The following CCDC61 variants were observed in gnomAD, a reference collection of about 807,000 sequenced individuals.
CCDC61 encodes the protein centrosomal protein CCDC61.
In CCDC61, 55 loss-of-function variants were observed where a neutral mutation model predicts 63.0. That is an observed-to-expected ratio of 0.87 (90% confidence interval 0.70 to 1.09). The LOEUF is 1.09. Ranked by LOEUF, CCDC61 falls within the 50% of genes least tolerant of loss-of-function variation. CCDC61 has a pLI of 0.00. For synonymous variants in CCDC61, 270 were observed against 317.0 expected (o/e 0.85, Z 1.58); for missense variants, 651 against 731.4 (o/e 0.89, Z 1.27).
At chr19:46,008,708 C>T (rs1381041127) in intron 5 of CCDC61, among the ~76,000 whole-genome samples, 1 of 152,226 alleles carries the variant, frequency 6.6e-6, no homozygotes, top group African/African-American at 2.4e-5. Flanking sequence ...TGCGCCCGGC[C>T]TCTGAGCCCC....
chr19:46,010,438 A>C (rs1968806608), intron 5 of CCDC61, among the ~76,000 whole-genome samples: 1 of 152,180 alleles, frequency 6.6e-6, no homozygotes, highest in African/African-American at 2.4e-5. Context: ...AAAGGTATAG[A>C]GGGCTGGGAG....
At chr19:46,007,028 C>A (rs1968724613) in intron 4 of CCDC61, among the ~76,000 whole-genome samples, 1 of 150,070 alleles carries the variant, frequency 6.7e-6, no homozygotes, top group African/African-American at 2.5e-5. Flanking sequence ...TTATTTTTTT[C>A]CTTTTACTGT....
At position 46,008,225 on chromosome 19, in the gene CCDC61, C is replaced by T. The variant is rs1412642701; in HGVS notation, c.475C>T (p.Leu159=). Residue 159 remains leucine, a synonymous_variant, in exon 5 of 14, where the codon CTG becomes TTG. Coordinates refer to ENST00000595358, the MANE Select transcript of CCDC61 (RefSeq NM_001267723.2). ...CATCATCCGGTCACTGAAGGAGGAA[C>T]TGGGCCGCCTGCAAGGGCTGGATGG... ...QGIIRSLKEE[L]GRLQGLDGQN... 1 of 1,548,894 alleles carries T rather than the reference C, an allele frequency of 6.5e-7. No individual in the cohort carries two copies. Among genetic ancestry groups the T allele is most frequent in the African/African-American group, 1.4e-5 (1 of 72,874 alleles).
In CCDC61 at chr19:46,015,316, A is replaced by G; in HGVS notation, c.763-29A>G. On this transcript the variant is annotated intron_variant, in intron 6 of 13. Coordinates refer to ENST00000595358, the MANE Select transcript of CCDC61 (RefSeq NM_001267723.2). The surrounding 1 kb of genome is among the most constrained non-coding windows in gnomAD (Gnocchi z 5.3). Reference sequence around the variant, plus strand: ...GGCGCGGACCTCGGCCTCAGCCTGGACCTCCGCGCCCCTCTCCCCTCCCGG... The same window carrying G: ...GGCGCGGACCTCGGCCTCAGCCTGGGCCTCCGCGCCCCTCTCCCCTCCCGG... 6.3e-7 allele frequency: 1 copy of G among 1,587,818 alleles called. No individual in the cohort carries two copies. The highest frequency in any genetic ancestry group is 2.3e-5 in the East Asian group (1 of 44,112).
chr19:46,005,844 C>A (rs1968698246), intron 3 of CCDC61, among the ~76,000 whole-genome samples: 1 of 150,300 alleles, frequency 6.7e-6, no homozygotes, highest in African/African-American at 2.4e-5. Context: ...TAATTTAGCT[C>A]AAAACTCAGA....
At chr19:46,002,895 T>C in intron 1 of CCDC61, 113 bp from the exon 2 acceptor site, 1 of 1,076,888 alleles carries the variant, frequency 9.3e-7, no homozygotes, top group South Asian at 1.5e-5. Flanking sequence ...GAATTCGCTT[T>C]CCCAGGATGC....
At position 46,016,594 on chromosome 19, in the gene CCDC61, C is replaced by T. The variant is rs1968941624; in HGVS notation, c.1092-100C>T. On this transcript the variant is annotated intron_variant, in intron 9 of 13. Coordinates refer to ENST00000595358, the MANE Select transcript of CCDC61 (RefSeq NM_001267723.2). This position sits in a 1 kb window ranked among gnomAD's most constrained non-coding sequence, Gnocchi z 7.2. ...CTTTCCGCTCGTAGGCCTGTCACCT[C>T]AGGCTTTCGCTGGCGTGGCTGTGAC... 2 of 1,536,460 alleles carry T rather than the reference C, an allele frequency of 1.3e-6. No homozygotes were observed. The highest frequency in any genetic ancestry group is 1.2e-5 in the South Asian group (1 of 82,486).
intron 3 of CCDC61, 76 bp from the exon 4 acceptor site, chr19:46,006,483 G>T (rs1162975306): frequency 7.2e-7 from 1 of 1,381,402 alleles, no homozygotes; most frequent in African/African-American, 1.4e-5. Flanking sequence ...AAGGGCTGTG[G>T]CCCAGGTGTG....
At chr19:46,006,756 C>G in intron 4 of CCDC61, 40 bp downstream of exon 4, 1 of 1,547,254 alleles carries the variant, frequency 6.5e-7, no homozygotes, top group Non-Finnish European at 8.8e-7. Context: ...GGCTGGTGGG[C>G]GGGGTGGGAG....
chr19:46,018,458 G>A lies in CCDC61; in HGVS notation c.*71G>A. On this transcript the variant is annotated 3_prime_UTR_variant, in exon 14 of 14. Coordinates refer to ENST00000595358, the MANE Select transcript of CCDC61 (RefSeq NM_001267723.2). The surrounding 1 kb of genome is among the most constrained non-coding windows in gnomAD (Gnocchi z 4.2). The stretch of plus-strand genomic sequence containing the variant: ...GTATGGTGTGGGGGGTGGGGCCAGG[G>A]TGGCCTCCAGCCCTGCCCAGTCCCT... 1 of 1,319,632 alleles carries A rather than the reference G, an allele frequency of 7.6e-7. No individual in the cohort carries two copies. Among genetic ancestry groups the A allele is most frequent in the Non-Finnish European group, 1.1e-6 (1 of 945,392 alleles). The allele number at this position is 1,319,632 out of a possible 1,614,324, so 81.7% of individuals were successfully genotyped here. A position where few individuals can be genotyped will look rare whatever the true frequency, so the allele number is the denominator to read the frequency against.
At chr19:46,002,457 C>A (rs1268973312) in intron 1 of CCDC61, among the ~76,000 whole-genome samples, 1 of 129,854 alleles carries the variant, frequency 7.7e-6, no homozygotes, top group East Asian at 2.1e-4. Flanking sequence ...TTTTTTTTAA[C>A]TGAGTCAGGG....
chr19:46,009,545 G>C (rs1464775703), intron 5 of CCDC61, among the ~76,000 whole-genome samples: 1 of 152,230 alleles, frequency 6.6e-6, no homozygotes, highest in Non-Finnish European at 1.5e-5. Flanking sequence ...AGGTCACACA[G>C]TGGGTAATAT....
At position 46,016,650 on chromosome 19, in the gene CCDC61, A is replaced by G; in HGVS notation, c.1092-44A>G. 1 of 1,607,056 alleles carries G rather than the reference A, an allele frequency of 6.2e-7. No individual in the cohort carries two copies. The highest frequency in any genetic ancestry group is 8.5e-7 in the Non-Finnish European group (1 of 1,177,094). ...GGGGCGCAGTGACCCCCTTGCCTGC[A>G]GGAGTTGGGCGTACAGACCGGCGTC... is the stretch of plus-strand genomic sequence containing the variant. On this transcript the variant is annotated intron_variant, in intron 9 of 13. Transcript: ENST00000595358. The surrounding 1 kb of genome is among the most constrained non-coding windows in gnomAD (Gnocchi z 7.2).
intron 5 of CCDC61, among the ~76,000 whole-genome samples, chr19:46,013,604 C>T (rs1968868973): frequency 6.6e-6 from 1 of 152,030 alleles, no homozygotes; most frequent in South Asian, 2.1e-4. Flanking sequence ...TGCGGTGGCT[C>T]ACGCCTGTAA....
Position 46,015,397 on chromosome 19 carries a change from T to C in CCDC61, c.815T>C (p.Leu272Pro). The C allele has an allele frequency of 4.4e-6, 7 of 1,602,742 alleles. No homozygotes were observed. Among genetic ancestry groups the C allele is most frequent in the Non-Finnish European group, 5.9e-6 (7 of 1,178,814 alleles). ...ERSLRARLKTLTSELALYKRG... is the reference protein window; with the variant it reads ...ERSLRARLKTPTSELALYKRG... Reference sequence around the variant, plus strand: ...AGCCTGCGCGCCCGGCTGAAGACGCTGACCAGCGAGCTGGCATTGTACAAG... The same window carrying C: ...AGCCTGCGCGCCCGGCTGAAGACGCCGACCAGCGAGCTGGCATTGTACAAG... Residue 272 changes from leucine (L) to proline (P), a missense_variant, in exon 7 of 14, where the codon CTG (leucine) becomes CCG (proline). Coordinates refer to ENST00000595358, the MANE Select transcript of CCDC61 (RefSeq NM_001267723.2). This position sits in a 1 kb window ranked among gnomAD's most constrained non-coding sequence, Gnocchi z 5.3.
chr19:46,010,350 C>T (rs1040558158), intron 5 of CCDC61, among the ~76,000 whole-genome samples: 1 of 152,186 alleles, frequency 6.6e-6, no homozygotes. Context: ...GGAGGCTCTG[C>T]CCCCAGAAAG....
Position 46,016,730 on chromosome 19 carries a change from C to G in CCDC61, c.1128C>G (p.Ser376Arg). The change falls in exon 10 of 14, where the codon AGC becomes AGG. Residue 376 changes from serine to arginine, a missense_variant. Ser to Arg is a moderately radical substitution (Grantham distance 110, BLOSUM62 -1). Coordinates refer to ENST00000595358, the MANE Select transcript of CCDC61 (RefSeq NM_001267723.2). This position sits in a 1 kb window ranked among gnomAD's most constrained non-coding sequence, Gnocchi z 7.2. ...GGAACCGCTTAGGCAGTGGGGGAAG[C>G]GGGGACGGTCCGTCCGTCTCCTGGT... ...QQRNRLGSGGSGDGPSVSWSR... is the reference protein window; with the variant it reads ...QQRNRLGSGGRGDGPSVSWSR... 1.9e-6 allele frequency: 3 copies of G among 1,609,460 alleles called. No homozygotes were observed. The highest frequency in any genetic ancestry group is 2.5e-6 in the Non-Finnish European group (3 of 1,178,386).
rs918880692 is a variant in CCDC61, at chr19:46,014,503, A to G, written c.552-546A>G. 3.3e-5 allele frequency among the ~76,000 whole-genome samples: 5 copies of G among 152,194 alleles called. No homozygotes were observed. In the South Asian group the frequency reaches 6.2e-4, roughly 19 times the overall value. The stretch of plus-strand genomic sequence containing the variant: ...ATTGAGTAGATGTATTAGAAATTCA[A>G]TTAGTTCTCTTTTAACATACATTTT... On this transcript the variant is annotated intron_variant, in intron 5 of 13. Transcript: ENST00000595358.
In CCDC61 at chr19:46,017,209, C is replaced by T; in HGVS notation, c.1311-38C>T. On this transcript the variant is annotated intron_variant, in intron 11 of 13. Transcript: ENST00000595358. Reference sequence around the variant, plus strand: ...TCGGGGAGGTGGGAAGTACCAGAGCCTCCCCACCACTGGTCCTTGGTTACT... The same window carrying T: ...TCGGGGAGGTGGGAAGTACCAGAGCTTCCCCACCACTGGTCCTTGGTTACT... 4.5e-6 allele frequency: 7 copies of T among 1,551,432 alleles called. 1 individual carries two copies. In the South Asian group the frequency reaches 7.1e-5, roughly 16 times the overall value.
Sources: allele counts gnomAD v4.1 joint callset (sites outside exome capture counted in the v4.1 genomes callset), GRCh38; gene constraint gnomAD v4.1.1; non-coding constraint Gnocchi (gnomAD v3.1); transcripts MANE v1.5; gene names NCBI Gene and HGNC (gene_info 2026-07-23, HGNC 2026-07-21).